Variants in UBE2D3 observed in about 807,000 individuals in gnomAD.
UBE2D3 encodes the protein ubiquitin-conjugating enzyme E2 D3.
Under a neutral mutation model 22.8 loss-of-function variants are expected in UBE2D3, and 2 were observed. That is an observed-to-expected ratio of 0.09 (90% CI 0.04 to 0.28). The LOEUF is 0.28. UBE2D3 is among the 10% of genes least tolerant of loss of function. The pLI is 1.00. For synonymous variants in UBE2D3, 56 were observed against 60.4 expected (o/e 0.93, Z 0.34); for missense variants, 27 against 182.5 (o/e 0.15, Z 4.91).
chr4:102,821,425 G>T (rs1249879927), intron 2 of UBE2D3, among the ~76,000 whole-genome samples: 1 of 151,950 alleles, frequency 6.6e-6, no homozygotes, highest in Non-Finnish European at 1.5e-5. Flanking sequence ...CATAGATAAG[G>T]ACCATCTTCC....
intron 2 of UBE2D3, among the ~76,000 whole-genome samples, chr4:102,823,414 T>A (rs1729943786): frequency 6.6e-6 from 1 of 152,218 alleles, no homozygotes. Flanking sequence ...GAGAGTTTTT[T>A]AACCCTTTAC....
chr4:102,825,478 A>C (rs1730310245), intron 2 of UBE2D3: 1 of 1,156,036 alleles, frequency 8.7e-7, no homozygotes, highest in Non-Finnish European at 1.1e-6. Flanking sequence ...ATTAATTCAC[A>C]TTATTACGAA....
At chr4:102,803,999 G>T (rs1034896077) in intron 4 of UBE2D3, among the ~76,000 whole-genome samples, 6 of 152,080 alleles carry the variant, frequency 3.9e-5, no homozygotes, top group African/African-American at 1.4e-4. Flanking sequence ...GCGGCCTCCT[G>T]ACCTTGTGAT....
intron 1 of UBE2D3, among the ~76,000 whole-genome samples, chr4:102,857,621 T>G (rs1487089844): frequency 6.6e-6 from 1 of 152,174 alleles, no homozygotes; most frequent in Non-Finnish European, 1.5e-5. Flanking sequence ...TCTACTGCAT[T>G]TAGTTTTATT....
At chr4:102,829,000 CTG>C (rs1462075557), upstream of UBE2D3, among the ~76,000 whole-genome samples, 28 of 152,202 alleles carry the variant, frequency 1.8e-4, no homozygotes, top group Admixed American at 1.8e-3. Flanking sequence ...AATTTGAAAA[CTG>C]TTGCAGAAAG....
chr4:102,865,473 C>G (rs988993758), intron 1 of UBE2D3, among the ~76,000 whole-genome samples: 3 of 132,592 alleles, frequency 2.3e-5, no homozygotes, highest in Non-Finnish European at 3.1e-5. Context: ...GCCTGGGCAA[C>G]AGAGACTCTG....
intron 2 of UBE2D3, among the ~76,000 whole-genome samples, chr4:102,816,126 C>A (rs890989861): frequency 6.6e-6 from 1 of 152,148 alleles, no homozygotes; most frequent in Non-Finnish European, 1.5e-5. Context: ...ACTCAATAAA[C>A]CATCTTACTC....
At chr4:102,812,279 AC>A (rs1478564844) in intron 2 of UBE2D3, 1 of 152,354 alleles carries the variant, frequency 6.6e-6, no homozygotes, top group Non-Finnish European at 1.5e-5. Context: ...AGCTTGGACA[AC>A]AATGTTTAAT....
intron 1 of UBE2D3, among the ~76,000 whole-genome samples, chr4:102,835,377 G>A (rs1475135740): frequency 6.6e-6 from 1 of 152,200 alleles, no homozygotes; most frequent in Non-Finnish European, 1.5e-5. Flanking sequence ...TTATATCATG[G>A]ATTTAAGCAT....
At chr4:102,819,887 A>G (rs1465890982) in intron 2 of UBE2D3, among the ~76,000 whole-genome samples, 4 of 152,220 alleles carry the variant, frequency 2.6e-5, no homozygotes, top group African/African-American at 9.6e-5. Flanking sequence ...TTGAGAGTCT[A>G]TTTCTTTCAG....
intron 2 of UBE2D3, among the ~76,000 whole-genome samples, chr4:102,821,740 G>A (rs925969897): frequency 2.0e-5 from 3 of 152,028 alleles, no homozygotes; most frequent in African/African-American, 7.2e-5. Flanking sequence ...TTGCATACCT[G>A]TATCAAAATA....
In UBE2D3 at chr4:102,826,599, T is replaced by C. The variant is rs936453089; in HGVS notation, c.-91A>G. 2 of 1,600,124 alleles carry C rather than the reference T, an allele frequency of 1.2e-6. No homozygotes were observed. Among genetic ancestry groups the C allele is most frequent in the East Asian group, 4.5e-5 (2 of 44,800 alleles). On this transcript the variant is annotated 5_prime_UTR_variant, in exon 2 of 8. Coordinates refer to ENST00000453744, the MANE Select transcript of UBE2D3 (RefSeq NM_181891.3). ...TGATTATCCCGGCGGCGGGGCAGGA[T>C]TGTCTCGTCTCACACCAGCTCTGCC...
chr4:102,860,395 T>C (rs1230125655), intron 1 of UBE2D3, among the ~76,000 whole-genome samples: 1 of 145,610 alleles, frequency 6.9e-6, no homozygotes, highest in African/African-American at 2.6e-5. Context: ...TTGGTTGTCA[T>C]GTTTTCCTGG....
intron 1 of UBE2D3, among the ~76,000 whole-genome samples, chr4:102,836,672 G>C (rs893680240): frequency 1.3e-5 from 2 of 152,176 alleles, no homozygotes; most frequent in Non-Finnish European, 2.9e-5. Context: ...AATTTCTCCT[G>C]ACTGGTTAGG....
chr4:102,829,025 A>G (rs901314220), upstream of UBE2D3, among the ~76,000 whole-genome samples: 8 of 152,198 alleles, frequency 5.3e-5, no homozygotes, highest in Admixed American at 3.9e-4. Context: ...TTACCTAATA[A>G]AAACTTAACA....
chr4:102,820,584 A>G (rs988051738), intron 2 of UBE2D3, among the ~76,000 whole-genome samples: 1 of 152,202 alleles, frequency 6.6e-6, no homozygotes, highest in African/African-American at 2.4e-5. Flanking sequence ...TTTTCTTTCG[A>G]TCACCACTGA....
At chr4:102,809,760 T>C (rs1224512148) in intron 3 of UBE2D3, 32 bp downstream of exon 3, 2 of 1,613,152 alleles carry the variant, frequency 1.2e-6, no homozygotes, top group Non-Finnish European at 1.7e-6. Context: ...AAAAAAAAAT[T>C]AGGCATAAAA....
intron 2 of UBE2D3, among the ~76,000 whole-genome samples, chr4:102,815,366 T>C (rs142295698): frequency 2.6e-5 from 4 of 152,126 alleles, no homozygotes; most frequent in Non-Finnish European, 4.4e-5. Context: ...TAAAATATTT[T>C]AATTTTAAAA....
intron 2 of UBE2D3, chr4:102,825,996 AC>A: frequency 3.4e-6 from 1 of 293,210 alleles, no homozygotes; most frequent in South Asian, 2.8e-5. Flanking sequence ...GACTTCTTCT[AC>A]CCGACCCTCA....
Sources: allele counts gnomAD v4.1 joint callset (sites outside exome capture counted in the v4.1 genomes callset), GRCh38; gene constraint gnomAD v4.1.1; transcripts MANE v1.5; gene names NCBI Gene and HGNC (gene_info 2026-07-23, HGNC 2026-07-21).